The following IL1R1 variants were observed in gnomAD, a reference collection of about 807,000 sequenced individuals.
IL1R1 encodes interleukin 1 receptor type 1, also known as interleukin-1 receptor type 1.
Under a neutral mutation model 50.2 loss-of-function variants are expected in IL1R1, and 22 were observed. That is an observed-to-expected ratio of 0.44 (90% CI 0.31 to 0.63). The LOEUF is 0.63. IL1R1 is among the 20% of genes least tolerant of loss of function. The probability of loss-of-function intolerance (pLI) is 0.07; values close to 1 mark genes in which losing one functional copy is unlikely to be tolerated. For missense variants in IL1R1, 509 were observed against 676.2 expected, an observed-to-expected ratio of 0.75 and a Z score of 2.74; for synonymous variants, 251 against 236.7, an observed-to-expected ratio of 1.06 and a Z score of -0.55.
At position 102,168,581 on chromosome 2, in the gene IL1R1, G is replaced by A. The variant is rs768343748; in HGVS notation, c.656-17G>A. On this transcript the variant is annotated splice_polypyrimidine_tract_variant and intron_variant, in intron 6 of 11. Coordinates refer to ENST00000410023, the MANE Select transcript of IL1R1 (RefSeq NM_000877.4). ...TCTATAAGAGACTGACAAACCTTAT[G>A]GATGTTTTTCTTTCAGAGGAAAACA... The A allele has an allele frequency of 3.7e-6, 6 of 1,606,046 alleles. No individual in the cohort carries two copies. Among genetic ancestry groups the A allele is most frequent in the South Asian group, 3.3e-5 (3 of 90,886 alleles).
intron 1 of IL1R1, among the ~76,000 whole-genome samples, chr2:102,090,839 T>C (rs1679636929): frequency 6.6e-6 from 1 of 152,222 alleles, no homozygotes; most frequent in South Asian, 2.1e-4. Context: ...TTAGCCATAT[T>C]TTCTCGTCTC....
At chr2:102,173,887 T>G (rs1685894590) in intron 9 of IL1R1, among the ~76,000 whole-genome samples, 1 of 152,196 alleles carries the variant, frequency 6.6e-6, no homozygotes, top group Non-Finnish European at 1.5e-5. Flanking sequence ...GCGACAGTAC[T>G]TAAGACCGTA....
At position 102,166,170 on chromosome 2, in the gene IL1R1, A is replaced by G; in HGVS notation, c.544A>G (p.Ile182Val). Residue 182 changes from isoleucine to valine, a missense_variant, in exon 6 of 12, where the codon ATC becomes GTC. Ile to Val is a conservative substitution (Grantham distance 29). Transcript: ENST00000410023. ...IHFSGVKDRL[I>V]VMNVAEKHRG... Reference sequence around the variant, plus strand: ...CTTTAGTGGAGTCAAAGATAGGCTCATCGTGATGAATGTGGCTGAAAAGCA... The same window carrying G: ...CTTTAGTGGAGTCAAAGATAGGCTCGTCGTGATGAATGTGGCTGAAAAGCA... 1.2e-6 allele frequency: 2 copies of G among 1,613,936 alleles called. No homozygotes were observed. Among genetic ancestry groups the G allele is most frequent in the Non-Finnish European group, 1.7e-6 (2 of 1,179,852 alleles).
chr2:102,127,661 G>GAC (rs1681794418), intron 1 of IL1R1, among the ~76,000 whole-genome samples: 1 of 54,854 alleles, frequency 1.8e-5, no homozygotes, highest in African/African-American at 1.3e-4. Flanking sequence ...GTGTGACTGT[G>GAC]TGTGTGTGTG....
chr2:102,113,163 G>A (rs1444773796), intron 1 of IL1R1, among the ~76,000 whole-genome samples: 1 of 152,198 alleles, frequency 6.6e-6, no homozygotes, highest in African/African-American at 2.4e-5. Flanking sequence ...CTGTGACAAT[G>A]GTATAACTAT....
intron 7 of IL1R1, among the ~76,000 whole-genome samples, chr2:102,171,317 A>G (rs1183838715): frequency 2.6e-5 from 4 of 152,286 alleles, no homozygotes; most frequent in Middle Eastern, 3.4e-3. Context: ...CACTAAAGAG[A>G]GGGGGTTAGC....
intron 1 of IL1R1, among the ~76,000 whole-genome samples, chr2:102,093,530 C>A (rs1318784963): frequency 6.6e-6 from 1 of 152,176 alleles, no homozygotes; most frequent in East Asian, 1.9e-4. Flanking sequence ...CCATAATAGC[C>A]ATCCTAAGAG....
At chr2:102,173,780 T>C (rs3917313) in intron 9 of IL1R1, among the ~76,000 whole-genome samples, 1,927 of 152,256 alleles carry the variant, frequency 0.013, 55 homozygotes, top group South Asian at 0.12. Flanking sequence ...GTAAAAGTCA[T>C]AGGGAACTGT....
intron 1 of IL1R1, among the ~76,000 whole-genome samples, chr2:102,148,685 T>G (rs1177477057): frequency 6.6e-6 from 1 of 152,216 alleles, no homozygotes; most frequent in East Asian, 1.9e-4. Context: ...AGCTTCTCCC[T>G]GGGAATTTGT....
upstream of IL1R1, among the ~76,000 whole-genome samples, chr2:102,138,704 T>C (rs571977621): frequency 2.6e-4 from 39 of 152,020 alleles, no homozygotes; most frequent in African/African-American, 9.2e-4. Flanking sequence ...AGATGGAAAA[T>C]GTATGAGAGG....
upstream of IL1R1, among the ~76,000 whole-genome samples, chr2:102,103,445 G>A (rs537877713): frequency 3.1e-4 from 47 of 152,198 alleles, no homozygotes; most frequent in Non-Finnish European, 5.9e-4. Context: ...CATTGAAGCA[G>A]AGGTTTGAGC....
At chr2:102,114,358 G>T (rs1680949491) in intron 1 of IL1R1, among the ~76,000 whole-genome samples, 2 of 152,200 alleles carry the variant, frequency 1.3e-5, no homozygotes, top group African/African-American at 4.8e-5. Context: ...TCAGCTGTCT[G>T]CTAAAGAATC....
rs535686529 is a variant in IL1R1, at chr2:102,135,142, C to G, written c.-83-18799C>G. On this transcript the variant is annotated intron_variant, in intron 1 of 10. Transcript: ENST00000409329. ...TGGCTAATATAATGCTATCTAAAATCTGTTTTTTTTAAAATCAAAAGGTAA... is the reference window on the plus strand; with the variant it reads ...TGGCTAATATAATGCTATCTAAAATGTGTTTTTTTTAAAATCAAAAGGTAA... Among the ~76,000 whole-genome samples the G allele has an allele frequency of 2.4e-4, 12 of 49,014 alleles. No homozygotes were observed. The South Asian group carries it at 3.3e-3, about 13-fold the overall frequency. The allele number at this position is 49,014 out of a possible 152,430, so 32.2% of individuals were successfully genotyped here.
upstream of IL1R1, among the ~76,000 whole-genome samples, chr2:102,102,265 C>T (rs1281128214): frequency 3.9e-5 from 6 of 152,110 alleles, no homozygotes; most frequent in Admixed American, 3.9e-4. Context: ...TAGATAAGAC[C>T]TGTTGTCAAG....
At chr2:102,103,798 A>G (rs746966801), upstream of IL1R1, among the ~76,000 whole-genome samples, 6 of 152,064 alleles carry the variant, frequency 3.9e-5, no homozygotes, top group Non-Finnish European at 7.4e-5. Context: ...GTTTGAGACC[A>G]GCCTGACCAT....
chr2:102,109,227 A>C (rs1680605755), intron 1 of IL1R1, among the ~76,000 whole-genome samples: 1 of 152,118 alleles, frequency 6.6e-6, no homozygotes. Flanking sequence ...ACAATGTCTC[A>C]TGGTTTTAGG....
upstream of IL1R1, among the ~76,000 whole-genome samples, chr2:102,101,154 G>A (rs946843889): frequency 6.6e-6 from 1 of 152,138 alleles, no homozygotes; most frequent in Non-Finnish European, 1.5e-5. Context: ...TTCTGGGGTG[G>A]GCCCTAATGT....
chr2:102,163,126 G>A (rs1684873413), intron 3 of IL1R1, among the ~76,000 whole-genome samples: 1 of 151,884 alleles, frequency 6.6e-6, no homozygotes, highest in African/African-American at 2.4e-5. Context: ...TTTTGTCTTT[G>A]TCCTCTGCAA....
chr2:102,141,403 G>C (rs954914662), upstream of IL1R1, among the ~76,000 whole-genome samples: 10 of 152,216 alleles, frequency 6.6e-5, no homozygotes, highest in African/African-American at 2.4e-4. Flanking sequence ...GGAATATTGA[G>C]AGCTGGGATT....
Sources: allele counts gnomAD v4.1 joint callset (sites outside exome capture counted in the v4.1 genomes callset), GRCh38; gene constraint gnomAD v4.1.1; transcripts MANE v1.5; gene names NCBI Gene and HGNC (gene_info 2026-07-23, HGNC 2026-07-21).